Variants in TRIP11 observed in about 807,000 individuals in gnomAD.
The protein encoded by TRIP11 is thyroid hormone receptor interactor 11.
Under a neutral mutation model 223.1 loss-of-function variants are expected in TRIP11, and 148 were observed. The observed-to-expected ratio is 0.66, with a 90% CI of 0.58 to 0.76. The LOEUF is 0.76. Ranked by LOEUF, TRIP11 falls within the 30% of genes least tolerant of loss-of-function variation. The pLI is 0.00. For missense variants in TRIP11, 2,043 were observed against 2,222.0 expected (o/e 0.92, Z 1.62); for synonymous variants, 762 against 772.6 (o/e 0.99, Z 0.23).
At chr14:91,986,059 T>C (rs1224286567) in intron 16 of TRIP11, among the ~76,000 whole-genome samples, 1 of 152,212 alleles carries the variant, frequency 6.6e-6, no homozygotes, top group East Asian at 1.9e-4. Flanking sequence ...CCTTCCTGTT[T>C]GTGCAACACT....
intron 16 of TRIP11, 140 bp from the exon 17 acceptor site, chr14:91,976,329 A>G: frequency 2.6e-6 from 2 of 784,012 alleles, no homozygotes; most frequent in East Asian, 5.4e-5. Context: ...AATAACTTCT[A>G]TCTCTTCTTT....
chr14:92,017,968 G>C (rs2057057055), intron 4 of TRIP11, among the ~76,000 whole-genome samples: 1 of 152,010 alleles, frequency 6.6e-6, no homozygotes, highest in Non-Finnish European at 1.5e-5. Context: ...AACTAATGGG[G>C]GGGACAACAG....
chr14:92,014,905 A>ATTTT (rs34892628), intron 6 of TRIP11, among the ~76,000 whole-genome samples: 1 of 142,540 alleles, frequency 7.0e-6, no homozygotes, highest in Non-Finnish European at 1.5e-5. Flanking sequence ...TTTTCACAGA[A>ATTTT]TTTTTTTTTT....
intron 16 of TRIP11, among the ~76,000 whole-genome samples, chr14:91,976,960 TCAAA>T (rs537257724): frequency 5.9e-4 from 90 of 152,308 alleles, no homozygotes; most frequent in African/African-American, 2.1e-3. Flanking sequence ...GAACTCTCAG[TCAAA>T]CAGAGTTTAC....
chr14:92,003,958 C>A lies in TRIP11; in HGVS notation c.4018G>T (p.Glu1340Ter). The change falls in exon 11 of 21, where the codon GAA (glutamate) becomes TAA (stop). Residue 1340 changes from glutamate to a stop codon, truncating the protein, a stop_gained. Coordinates refer to ENST00000267622, the MANE Select transcript of TRIP11 (RefSeq NM_004239.4). LOFTEE classifies it high-confidence loss of function. ...LRASKSEVLS[E>*]SSELLQQELE... ...TCTTGCTGAAGCAATTCAGAAGATT[C>A]ACTCAATACTTCAGACTTACTTGCT... is the stretch of plus-strand genomic sequence containing the variant. The A allele has an allele frequency of 6.2e-7, 1 of 1,614,144 alleles. No individual in the cohort carries two copies. The highest frequency in any genetic ancestry group is 8.5e-7 in the Non-Finnish European group (1 of 1,180,036).
In TRIP11 at chr14:91,967,204, T is replaced by G. The variant is rs1419020176; in HGVS notation, c.*2469A>C. The G allele has an allele frequency of 1.2e-5, 2 of 164,440 alleles. No homozygotes were observed. Among genetic ancestry groups the G allele is most frequent in the Admixed American group, 7.6e-5 (1 of 13,240 alleles). The allele number at this position is 164,440 out of a possible 1,614,324, so 10.2% of individuals were successfully genotyped here. A position where few individuals can be genotyped will look rare whatever the true frequency, so the allele number is the denominator to read the frequency against. On this transcript the variant is annotated 3_prime_UTR_variant, in exon 21 of 21. Transcript: ENST00000267622. ...TCGCTCAGGCTGGAGTGCAGTGGAG[T>G]GGTTGCTAACTGCAACCTCCACTTC...
In TRIP11 at chr14:91,972,806, G is replaced by A. The variant is rs766363206; in HGVS notation, c.5630C>T (p.Pro1877Leu). ...ATCATGAACAGAAAGCTTTGGTGGT[G>A]GAATGGATGGATGAGATTCTGTTTC... is the stretch of plus-strand genomic sequence containing the variant. ...FLETESHPSI[P>L]PPKLSVHDMK... is the part of the protein sequence containing the mutation. The change falls in exon 20 of 21, where the codon CCA becomes CTA. Residue 1877 changes from proline (P) to leucine (L), a missense_variant. Physicochemically the swap from Pro to Leu is moderately conservative, Grantham distance 98. Transcript: ENST00000267622. 28 of 1,613,070 alleles carry A rather than the reference G, an allele frequency of 1.7e-5. No individual in the cohort carries two copies. The highest frequency in any genetic ancestry group is 1.7e-4 in the Middle Eastern group (1 of 6,054).
chr14:92,013,001 G>T (rs2056990939), intron 7 of TRIP11, among the ~76,000 whole-genome samples: 2 of 152,200 alleles, frequency 1.3e-5, no homozygotes, highest in South Asian at 4.1e-4. Context: ...GGGGGCGGTG[G>T]CTCACGCCTG....
At chr14:92,009,311 G>C (rs2056943176) in intron 9 of TRIP11, among the ~76,000 whole-genome samples, 1 of 152,126 alleles carries the variant, frequency 6.6e-6, no homozygotes. Flanking sequence ...TGAGATTACA[G>C]CGTGAGCCAC....
intron 1 of TRIP11, among the ~76,000 whole-genome samples, chr14:92,034,767 G>T (rs2057306015): frequency 6.6e-6 from 1 of 152,114 alleles, no homozygotes; most frequent in Non-Finnish European, 1.5e-5. Flanking sequence ...CAAGTAGTTG[G>T]AACTACAGGC....
chr14:92,032,015 G>A (rs2061479447), intron 2 of TRIP11, among the ~76,000 whole-genome samples: 1 of 151,648 alleles, frequency 6.6e-6, no homozygotes, highest in Admixed American at 6.6e-5. Context: ...TTTGTAACCG[G>A]TCTCAAACTC....
Position 92,004,811 on chromosome 14 carries a change from A to G in TRIP11, c.3165T>C (p.Gly1055=), listed in dbSNP as rs369633634. 3.1e-5 allele frequency: 50 copies of G among 1,613,990 alleles called. No homozygotes were observed. The highest frequency in any genetic ancestry group is 8.0e-5 in the African/African-American group (6 of 74,948). Residue 1055 remains glycine (G), a synonymous_variant, in exon 11 of 21, where the codon GGT becomes GGC. Transcript: ENST00000267622. ...QIDQLSKDEV[G]KLTQIIQQKD... ...TCTGCTGAATAATCTGAGTTAGTTT[A>G]CCAACTTCATCTTTGGACAACTGAT...
chr14:92,027,598 G>T (rs747284359), intron 2 of TRIP11, among the ~76,000 whole-genome samples: 3 of 152,112 alleles, frequency 2.0e-5, no homozygotes, highest in Admixed American at 6.5e-5. Context: ...TGGGGCAAAA[G>T]AAATGGACAC....
Position 92,005,993 on chromosome 14 carries a change from T to C in TRIP11, c.1983A>G (p.Leu661=), listed in dbSNP as rs1020011854. The change falls in exon 11 of 21, where the codon TTA becomes TTG. Residue 661 remains leucine (L), a synonymous_variant. Coordinates refer to ENST00000267622, the MANE Select transcript of TRIP11 (RefSeq NM_004239.4). ...VRNLKQNLSE[L]EQLNENLKKV... ...TCTTTAAATTTTCATTGAGCTGTTC[T>C]AATTCTGAAAGATTTTGCTTTAAGT... 1 of 1,599,368 alleles carries C rather than the reference T, an allele frequency of 6.3e-7. No homozygotes were observed. The highest frequency in any genetic ancestry group is 8.5e-7 in the Non-Finnish European group (1 of 1,175,518).
At chr14:92,016,463 T>A (rs559024869) in intron 5 of TRIP11, among the ~76,000 whole-genome samples, 16 of 152,240 alleles carry the variant, frequency 1.1e-4, no homozygotes, top group African/African-American at 3.9e-4. Flanking sequence ...CTCTTCCCAC[T>A]CCTATCCAAC....
chr14:91,967,760 C>A lies in TRIP11; in HGVS notation c.*1913G>T. 1 of 194,194 alleles carries A rather than the reference C, an allele frequency of 5.1e-6. No individual in the cohort carries two copies. 12.0% of individuals were successfully genotyped at this position (194,194 alleles called of 1,614,324 possible). On this transcript the variant is annotated 3_prime_UTR_variant, in exon 21 of 21. Coordinates refer to ENST00000267622, the MANE Select transcript of TRIP11 (RefSeq NM_004239.4). ...TTTTTTAACTTAGAAACTAGTATTT[C>A]ATTTCTCCACACTGAAATGAAATTT...
chr14:92,039,014 G>A (rs1256535030), intron 1 of TRIP11, among the ~76,000 whole-genome samples: 1 of 152,088 alleles, frequency 6.6e-6, no homozygotes, highest in Non-Finnish European at 1.5e-5. Flanking sequence ...CAGCTGGAAC[G>A]CTATAATGTA....
intron 20 of TRIP11, among the ~76,000 whole-genome samples, chr14:91,970,555 T>C (rs1404889414): frequency 6.6e-6 from 1 of 152,140 alleles, no homozygotes; most frequent in Non-Finnish European, 1.5e-5. Flanking sequence ...AAAAAAACAA[T>C]GCTATACATG....
At chr14:92,032,858 T>G (rs1432042125) in intron 2 of TRIP11, among the ~76,000 whole-genome samples, 2 of 151,904 alleles carry the variant, frequency 1.3e-5, no homozygotes, top group Admixed American at 6.6e-5. Context: ...AAATTATTCT[T>G]AAATAAATGT....
Sources: allele counts gnomAD v4.1 joint callset (sites outside exome capture counted in the v4.1 genomes callset), GRCh38; gene constraint gnomAD v4.1.1; transcripts MANE v1.5; gene names NCBI Gene and HGNC (gene_info 2026-07-23, HGNC 2026-07-21).